RBFOX3: variants seen among roughly 807,000 people sequenced by gnomAD.
The protein encoded by RBFOX3 is RNA binding fox-1 homolog 3.
In RBFOX3, 17 loss-of-function variants were observed where a neutral mutation model predicts 48.7. The ratio of observed to expected loss-of-function variants is 0.35; its 90% CI spans 0.24 to 0.52. The LOEUF (loss-of-function observed/expected upper bound fraction) is 0.52, where lower values mean the gene tolerates loss of function less well. Among genes scored for constraint, RBFOX3 ranks in the 20% least tolerant of loss-of-function variants. RBFOX3 has a pLI of 0.94. For missense variants in RBFOX3, 382 were observed against 497.5 expected (o/e 0.77, Z 2.21); for synonymous variants, 212 against 209.5 (o/e 1.01, Z -0.10).
At chr17:79,349,619 G>A (rs2083509437) in intron 2 of RBFOX3, among the ~76,000 whole-genome samples, 1 of 152,086 alleles carries the variant, frequency 6.6e-6, no homozygotes, top group East Asian at 1.9e-4. Context: ...ACTCCAGTCT[G>A]ATGTCTGGTG....
intron 2 of RBFOX3, among the ~76,000 whole-genome samples, chr17:79,442,388 A>G (rs2071306960): frequency 1.4e-5 from 2 of 140,884 alleles, no homozygotes; most frequent in Admixed American, 7.1e-5. Flanking sequence ...AGAGAGAGAG[A>G]GAGAGAGAGA....
the RBFOX3 span, among the ~76,000 whole-genome samples, chr17:79,659,472 G>C: frequency 6.6e-5 from 10 of 152,154 alleles, no homozygotes; most frequent in Admixed American, 2.0e-4. Flanking sequence ...GAAAGCACCT[G>C]GCAAGTTCAA....
chr17:79,611,130 T>TCTCTCTCTCTCTCTCTCTCTCTCTCTC (rs1491548376), upstream of RBFOX3, among the ~76,000 whole-genome samples: 321 of 37,812 alleles, frequency 8.5e-3, 139 homozygotes, highest in East Asian at 0.023. Context: ...TCCGCCCTCC[T>TCTCTCTCTCTCTCTCTCTCTCTCTCTC]TCTCTCTCTC....
intron 5 of RBFOX3, among the ~76,000 whole-genome samples, chr17:79,109,406 G>C (rs1023922437): frequency 2.3e-4 from 35 of 152,334 alleles, no homozygotes; most frequent in African/African-American, 7.5e-4. Context: ...ACTCTGGCTC[G>C]ACAGGGGTAT....
At chr17:79,285,714 C>T (rs571266023) in intron 3 of RBFOX3, among the ~76,000 whole-genome samples, 86 of 37,222 alleles carry the variant, frequency 2.3e-3, no homozygotes, top group Non-Finnish European at 3.4e-3. Flanking sequence ...GATGGAGTCT[C>T]GCTCTGTCAC....
chr17:79,541,919 G>A (rs868994263), intron 1 of RBFOX3, among the ~76,000 whole-genome samples: 4 of 151,510 alleles, frequency 2.6e-5, no homozygotes, highest in Admixed American at 6.6e-5. Context: ...GGTGGGCCAC[G>A]GAGCACGGGG....
intron 2 of RBFOX3, among the ~76,000 whole-genome samples, chr17:79,384,496 G>A (rs926011798): frequency 1.3e-5 from 2 of 152,164 alleles, no homozygotes; most frequent in African/African-American, 2.4e-5. Flanking sequence ...CTGGAGAACC[G>A]TCTGCCCTCA....
Position 79,106,666 on chromosome 17 carries a change from C to T in RBFOX3, c.345G>A (p.Leu115=). 6.7e-7 allele frequency: 1 copy of T among 1,481,766 alleles called. No individual in the cohort carries two copies. Among genetic ancestry groups the T allele is most frequent in the Admixed American group, 2.8e-5 (1 of 35,450 alleles). The allele number at this position is 1,481,766 out of a possible 1,614,324, so 91.8% of individuals were successfully genotyped here. A position where few individuals can be genotyped will look rare whatever the true frequency, so the allele number is the denominator to read the frequency against. ...GCACACTCACCCCGAACATTTGCCG[C>T]AAGTCGGGGTCCCTGAACCGGAAGG... The part of the protein sequence containing the change: ...NIPFRFRDPD[L]RQMFGQFGKI... Residue 115 remains leucine (L), a synonymous_variant, in exon 6 of 15, where the codon TTG becomes TTA. Coordinates refer to ENST00000693108, the MANE Select transcript of RBFOX3 (RefSeq NM_001350451.2).
At chr17:79,380,853 T>C (rs573861111) in intron 2 of RBFOX3, among the ~76,000 whole-genome samples, 4 of 151,712 alleles carry the variant, frequency 2.6e-5, no homozygotes, top group African/African-American at 7.3e-5. Flanking sequence ...TATTTGGACG[T>C]CGCTCCACGA....
intron 1 of RBFOX3, among the ~76,000 whole-genome samples, chr17:79,545,896 G>T (rs1160153595): frequency 6.6e-6 from 1 of 152,218 alleles, no homozygotes; most frequent in African/African-American, 2.4e-5. Flanking sequence ...GGGCATGGAA[G>T]GTTCTCCTTT....
At chr17:79,147,103 G>C (rs1384705878) in intron 4 of RBFOX3, among the ~76,000 whole-genome samples, 1 of 152,200 alleles carries the variant, frequency 6.6e-6, no homozygotes, top group East Asian at 1.9e-4. Flanking sequence ...CTGCTGTGCT[G>C]CTGTCTGGAC....
At chr17:79,498,783 C>G (rs1555775940) in intron 1 of RBFOX3, among the ~76,000 whole-genome samples, 1 of 151,684 alleles carries the variant, frequency 6.6e-6, no homozygotes, top group African/African-American at 2.4e-5. Context: ...ATACACTCAT[C>G]CATCCACTCA....
At chr17:79,501,828 C>T (rs2149738875) in intron 1 of RBFOX3, among the ~76,000 whole-genome samples, 1 of 152,272 alleles carries the variant, frequency 6.6e-6, no homozygotes, top group South Asian at 2.1e-4. Context: ...TAGAAACTGC[C>T]CTGCCTTATC....
At chr17:79,431,099 G>T (rs1490943878) in intron 2 of RBFOX3, among the ~76,000 whole-genome samples, 1 of 152,182 alleles carries the variant, frequency 6.6e-6, no homozygotes. Context: ...ATGAGGTCAA[G>T]CCCGATCGGT....
chr17:79,222,958 C>T (rs2059907046), intron 4 of RBFOX3, among the ~76,000 whole-genome samples: 1 of 152,146 alleles, frequency 6.6e-6, no homozygotes, highest in Non-Finnish European at 1.5e-5. Flanking sequence ...TGGTGAATTT[C>T]TGGCTGCAGC....
At chr17:79,504,152 G>A (rs1374191115) in intron 1 of RBFOX3, among the ~76,000 whole-genome samples, 1 of 152,154 alleles carries the variant, frequency 6.6e-6, no homozygotes, top group Admixed American at 6.5e-5. Context: ...CCCAATCAGG[G>A]CTTGCCCACA....
At chr17:79,568,835 G>A (rs906989118) in intron 1 of RBFOX3, among the ~76,000 whole-genome samples, 8 of 152,012 alleles carry the variant, frequency 5.3e-5, no homozygotes, top group African/African-American at 1.9e-4. Context: ...GGGCAAACTG[G>A]CCAGACCCCC....
intron 2 of RBFOX3, among the ~76,000 whole-genome samples, chr17:79,382,375 C>G (rs1037236012): frequency 6.6e-6 from 1 of 152,228 alleles, no homozygotes; most frequent in South Asian, 2.1e-4. Context: ...TGTGTCCCAC[C>G]AACTGCGTTA....
At chr17:79,093,299 A>C (rs2074352091) in intron 14 of RBFOX3, among the ~76,000 whole-genome samples, 1 of 147,296 alleles carries the variant, frequency 6.8e-6, no homozygotes, top group African/African-American at 2.5e-5. Flanking sequence ...CAGTTTTCCC[A>C]GAAAAGAACA....
Sources: gnomAD v4.1 joint callset for allele counts (sites outside exome capture counted in the v4.1 genomes callset) on GRCh38, gnomAD v4.1.1 for gene constraint, MANE v1.5 for transcripts, NCBI Gene and HGNC (gene_info 2026-07-23, HGNC 2026-07-21) for gene names.